CACNG7: variants seen among roughly 807,000 people sequenced by gnomAD.
CACNG7 encodes calcium voltage-gated channel auxiliary subunit gamma 7, also known as voltage-dependent calcium channel gamma-7 subunit.
In CACNG7, 9 loss-of-function variants were observed where a neutral mutation model predicts 26.3. The observed-to-expected ratio is 0.34, with a 90% confidence interval of 0.21 to 0.60. The LOEUF (loss-of-function observed/expected upper bound fraction) is 0.60. Ranked by LOEUF, CACNG7 falls within the 20% of genes least tolerant of loss-of-function variation. CACNG7 has a pLI of 0.81. For synonymous variants in CACNG7, 170 were observed against 157.0 expected, an observed-to-expected ratio of 1.08 and a Z score of -0.62; for missense variants, 297 against 380.4, an observed-to-expected ratio of 0.78 and a Z score of 1.82.
intron 4 of CACNG7, 32 bp from the exon 5 acceptor site, chr19:53,941,438 A>G (rs2069136680): frequency 6.7e-7 from 1 of 1,492,496 alleles, no homozygotes; most frequent in African/African-American, 1.5e-5. Context: ...GCCCACTTCT[A>G]ATGGACGAGG....
At chr19:53,918,832 G>A (rs553523480) in intron 4 of CACNG7, among the ~76,000 whole-genome samples, 4 of 152,136 alleles carry the variant, frequency 2.6e-5, no homozygotes, top group Admixed American at 1.3e-4. Context: ...GCAATGGCGC[G>A]ATCTCGGCTC....
chr19:53,939,207 G>A lies in CACNG7; in HGVS notation c.425-2263G>A, dbSNP rs897462209. ...CAGGAGGCAGAGGTTGCGGTGAGCC[G>A]AGATTGCACCACTACACTCCAGCCT... On this transcript the variant is annotated intron_variant, in intron 4 of 5. Coordinates refer to ENST00000391767, the MANE Select transcript of CACNG7 (RefSeq NM_031896.5). The surrounding 1 kb of genome is among the most constrained non-coding windows in gnomAD (Gnocchi z 4.2). Among the ~76,000 whole-genome samples the A allele has an allele frequency of 6.6e-5, 10 of 151,672 alleles. No homozygotes were observed. Among genetic ancestry groups the A allele is most frequent in the Admixed American group, 4.6e-4 (7 of 15,226 alleles).
At chr19:53,917,937 T>C (rs8101207) in intron 4 of CACNG7, among the ~76,000 whole-genome samples, 76,693 of 152,002 alleles carry the variant, frequency 0.5, 22,659 homozygotes, top group African/African-American at 0.83. Flanking sequence ...CCCAAGGTCA[T>C]GCTGAGGATC....
intron 4 of CACNG7, among the ~76,000 whole-genome samples, chr19:53,924,337 C>CCCA (rs1392425574): frequency 6.9e-6 from 1 of 145,724 alleles, no homozygotes; most frequent in African/African-American, 2.6e-5. Context: ...GTGGACTTGC[C>CCCA]GCAGGTCTGG....
In CACNG7 at chr19:53,939,487, G is replaced by A. The variant is rs774881835; in HGVS notation, c.425-1983G>A. 7.2e-5 allele frequency among the ~76,000 whole-genome samples: 11 copies of A among 152,080 alleles called. No individual in the cohort carries two copies. Among genetic ancestry groups the A allele is most frequent in the African/African-American group, 2.4e-4 (10 of 41,396 alleles). The stretch of plus-strand genomic sequence containing the variant: ...AACCACTAATCTACTTTCTGTCTCT[G>A]TGGATTTGCCTATTCTGGACATTGC... On this transcript the variant is annotated intron_variant, in intron 4 of 5. Transcript: ENST00000391767. This position sits in a 1 kb window ranked among gnomAD's most constrained non-coding sequence, Gnocchi z 4.2.
At chr19:53,918,091 T>A (rs1403592046) in intron 4 of CACNG7, among the ~76,000 whole-genome samples, 1 of 152,200 alleles carries the variant, frequency 6.6e-6, no homozygotes, top group Non-Finnish European at 1.5e-5. Flanking sequence ...TATCCAGGCA[T>A]GTGCTGCCAA....
At chr19:53,927,389 G>A (rs1393800894) in intron 4 of CACNG7, among the ~76,000 whole-genome samples, 1 of 152,200 alleles carries the variant, frequency 6.6e-6, no homozygotes. Flanking sequence ...ACATAGTAGG[G>A]TGCTCTGGAG....
intron 4 of CACNG7, among the ~76,000 whole-genome samples, chr19:53,928,062 A>G (rs7251133): frequency 0.31 from 45,606 of 148,476 alleles, 9,451 homozygotes; most frequent in African/African-American, 0.6. Context: ...GATAGAAAGG[A>G]GGAAGGGAGG....
chr19:53,922,817 GAGTTGTCCCAGGTCTGGTCATTGGTGC>G (rs2068973783), intron 4 of CACNG7, among the ~76,000 whole-genome samples: 3 of 64,708 alleles, frequency 4.6e-5, no homozygotes, highest in Admixed American at 1.2e-4. Context: ...GTCATTGGTG[GAGTTGTCCCAGGTCTGGTCATTGGTGC>G]AGTTGCCCCA....
At position 53,914,549 on chromosome 19, in the gene CACNG7, G is replaced by A. The variant is rs953194748; in HGVS notation, c.246G>A (p.Glu82=). Residue 82 remains glutamate, a synonymous_variant, in exon 3 of 6, where the codon GAG becomes GAA. Transcript: ENST00000391767. ...CVASEYFLEP[E]INLVTENTEN... is the part of the protein sequence containing the mutation. ...CCTCAGAATATTTTCTTGAACCGGA[G>A]ATCAATTTGGTGACGGAAAACACGG... 1.9e-6 allele frequency: 3 copies of A among 1,613,992 alleles called. No individual in the cohort carries two copies. In the African/African-American group the frequency reaches 4.0e-5, roughly 22 times the overall value.
At chr19:53,916,858 C>T (rs1254626126) in intron 4 of CACNG7, among the ~76,000 whole-genome samples, 1 of 148,990 alleles carries the variant, frequency 6.7e-6, no homozygotes, top group African/African-American at 2.5e-5. Context: ...AGCCCACTGG[C>T]GTGATCTCGG....
At chr19:53,915,023 AAAGG>A (rs2068886593) in intron 3 of CACNG7, among the ~76,000 whole-genome samples, 1 of 151,094 alleles carries the variant, frequency 6.6e-6, no homozygotes, top group Non-Finnish European at 1.5e-5. Context: ...AAAATAAATA[AAAGG>A]AAGGAAGAAA....
At position 53,942,696 on chromosome 19, in the gene CACNG7, C is replaced by T. The variant is rs992409889; in HGVS notation, c.*403C>T. 6 of 539,614 alleles carry T rather than the reference C, an allele frequency of 1.1e-5. No individual in the cohort carries two copies. Among genetic ancestry groups the T allele is most frequent in the African/African-American group, 1.0e-4 (5 of 49,798 alleles). The allele number at this position is 539,614 out of a possible 1,614,324, so 33.4% of individuals were successfully genotyped here. A position where few individuals can be genotyped will look rare whatever the true frequency, so the allele number is the denominator to read the frequency against. On this transcript the variant is annotated 3_prime_UTR_variant, in exon 6 of 6. Coordinates refer to ENST00000391767, the MANE Select transcript of CACNG7 (RefSeq NM_031896.5). The surrounding 1 kb of genome is among the most constrained non-coding windows in gnomAD (Gnocchi z 5.9). ...CGGACCTCACCGCAGGGGCGCTGGG[C>T]TGGAGAGCAGGTTCGGGCAGCCGTC...
In CACNG7 at chr19:53,942,544, T is replaced by G. The variant is rs1398528176; in HGVS notation, c.*251T>G. On this transcript the variant is annotated 3_prime_UTR_variant, in exon 6 of 6. Coordinates refer to ENST00000391767, the MANE Select transcript of CACNG7 (RefSeq NM_031896.5). This position sits in a 1 kb window ranked among gnomAD's most constrained non-coding sequence, Gnocchi z 5.9. ...CTCCCAAATGACTCCTCCCCTTCGT[T>G]GGCCCGCCCCTTTCCTCTGGCCCCT... 2 of 1,375,758 alleles carry G rather than the reference T, an allele frequency of 1.5e-6. No homozygotes were observed. Among genetic ancestry groups the G allele is most frequent in the Non-Finnish European group, 1.9e-6 (2 of 1,067,698 alleles). The allele number at this position is 1,375,758 out of a possible 1,614,324, so 85.2% of individuals were successfully genotyped here.
intron 4 of CACNG7, among the ~76,000 whole-genome samples, chr19:53,922,910 CCTGGTCATTGGTGGAGTTGTCCCAGGT>C (rs1568775752): frequency 1.4e-4 from 7 of 49,704 alleles, no homozygotes; most frequent in Admixed American, 3.9e-4. Flanking sequence ...TTGCCCCAGG[CCTGGTCATTGGTGGAGTTGTCCCAGGT>C]CTGGTCATTG....
chr19:53,934,304 C>G (rs1001565378), intron 4 of CACNG7, among the ~76,000 whole-genome samples: 3 of 152,188 alleles, frequency 2.0e-5, no homozygotes, highest in African/African-American at 7.2e-5. Context: ...TGATAACATT[C>G]ACGTTAAACA....
chr19:53,910,825 C>G (rs747909893), intron 1 of CACNG7, among the ~76,000 whole-genome samples: 1 of 152,016 alleles, frequency 6.6e-6, no homozygotes, highest in Admixed American at 6.6e-5. Context: ...GTTATGAAAT[C>G]GGGACTCCAT....
chr19:53,933,661 A>AT (rs1171591694), intron 4 of CACNG7, among the ~76,000 whole-genome samples: 3,558 of 136,114 alleles, frequency 0.026, 79 homozygotes, highest in African/African-American at 0.06. Context: ...TGCAGGTTTG[A>AT]TTTTTTTTTT....
At chr19:53,931,443 T>A (rs1341086681) in intron 4 of CACNG7, among the ~76,000 whole-genome samples, 1 of 151,852 alleles carries the variant, frequency 6.6e-6, no homozygotes, top group South Asian at 2.1e-4. Flanking sequence ...TCCCAGCACT[T>A]TGGGAGGCCG....
Sources: gnomAD v4.1 joint callset for allele counts (sites outside exome capture counted in the v4.1 genomes callset) on GRCh38, gnomAD v4.1.1 for gene constraint, Gnocchi (gnomAD v3.1) non-coding constraint, MANE v1.5 for transcripts, NCBI Gene and HGNC (gene_info 2026-07-23, HGNC 2026-07-21) for gene names.